DSG1: variants seen among roughly 807,000 people sequenced by gnomAD.
The protein encoded by DSG1 is desmoglein 1.
In DSG1, 39 loss-of-function variants were observed where a neutral mutation model predicts 97.5. The ratio of observed to expected loss-of-function variants is 0.40; its 90% CI spans 0.31 to 0.52. The LOEUF is 0.52. DSG1 is among the 20% of genes least tolerant of loss of function. The pLI, the probability that DSG1 is intolerant of heterozygous loss-of-function variation, is 0.53. For synonymous variants in DSG1, 475 were observed against 443.4 expected, an observed-to-expected ratio of 1.07 and a Z score of -0.90; for missense variants, 1,311 against 1,295.4, an observed-to-expected ratio of 1.01 and a Z score of -0.18.
Position 31,346,119 on chromosome 18 carries a change from G to T in DSG1, c.2021G>T (p.Gly674Val), listed in dbSNP as rs2071832315. Residue 674 changes from glycine to valine, a missense_variant, in exon 14 of 15, where the codon GGA becomes GTA. By Grantham distance (109) the Gly-to-Val change is moderately radical (BLOSUM62 -3). Around this residue, in one of 3 missense-constraint regions of DSG1, gnomAD observed 1,038 missense variants for 964.6 expected, o/e 1.08. Transcript: ENST00000257192. ...CCTGAGATATGTCAAGAATACTCTG[G>T]AACATTAAGAAGAAATTCTATGAGG... ...GMPEICQEYSGTLRRNSMREC... is the reference protein window; with the variant it reads ...GMPEICQEYSVTLRRNSMREC... The T allele has an allele frequency of 1.2e-6, 2 of 1,613,790 alleles. No homozygotes were observed. Among genetic ancestry groups the T allele is most frequent in the Non-Finnish European group, 1.7e-6 (2 of 1,179,760 alleles).
chr18:31,319,200 A>G (rs2071638869), intron 1 of DSG1, among the ~76,000 whole-genome samples: 2 of 152,196 alleles, frequency 1.3e-5, no homozygotes, highest in African/African-American at 4.8e-5. Flanking sequence ...ACTTTCAGTG[A>G]AAATTTGAAA....
Position 31,355,650 on chromosome 18 carries a change from A to G in DSG1, c.*304A>G, listed in dbSNP as rs1018011339. On this transcript the variant is annotated 3_prime_UTR_variant, in exon 15 of 15. Transcript: ENST00000257192. The stretch of plus-strand genomic sequence containing the variant: ...AACTGGCCTTACGATGGCAATTGGC[A>G]TCATTCTCCTTGCTCTGTTTTGCTT... The G allele has an allele frequency of 6.8e-5, 27 of 396,188 alleles. No homozygotes were observed. Among genetic ancestry groups the G allele is most frequent in the East Asian group, 5.2e-4 (11 of 21,184 alleles). The allele number at this position is 396,188 out of a possible 1,614,324, so 24.5% of individuals were successfully genotyped here. A position where few individuals can be genotyped will look rare whatever the true frequency, so the allele number is the denominator to read the frequency against.
chr18:31,340,104 T>C (rs2071779803), intron 11 of DSG1, 79 bp downstream of exon 11: 6 of 1,401,534 alleles, frequency 4.3e-6, no homozygotes, highest in East Asian at 4.6e-5. Context: ...GATTCTTTGA[T>C]AAAACGTATT....
At chr18:31,322,734 G>A (rs1598695965) in intron 1 of DSG1, among the ~76,000 whole-genome samples, 1 of 152,110 alleles carries the variant, frequency 6.6e-6, no homozygotes, top group African/African-American at 2.4e-5. Flanking sequence ...TAACAAAAAC[G>A]TAACAATTAT....
At chr18:31,322,909 T>C (rs1462599101) in intron 1 of DSG1, among the ~76,000 whole-genome samples, 1 of 152,182 alleles carries the variant, frequency 6.6e-6, no homozygotes, top group East Asian at 1.9e-4. Context: ...TAAAAATTAC[T>C]GTAATTGGGG....
chr18:31,329,843 T>A, intron 4 of DSG1, 49 bp from the exon 5 acceptor site: 1 of 1,601,876 alleles, frequency 6.2e-7, no homozygotes, highest in Non-Finnish European at 8.5e-7. Context: ...AAGTAAGAAC[T>A]TAATAAATCT....
At chr18:31,353,977 G>C in intron 14 of DSG1, 1 of 322,838 alleles carries the variant, frequency 3.1e-6, no homozygotes, top group Non-Finnish European at 5.9e-6. Context: ...GTTCCTATTC[G>C]GCCATCTTGG....
chr18:31,331,667 C>T (rs757393314), intron 5 of DSG1, 34 bp from the exon 6 acceptor site: 102 of 1,599,698 alleles, frequency 6.4e-5, no homozygotes, highest in Middle Eastern at 5.0e-4. Context: ...AAATGTAAAT[C>T]ACCCATTTGC....
In DSG1 at chr18:31,326,866, C is replaced by A; in HGVS notation, c.85-8C>A. ...ATATATACCATTTCTTTATTGCTGT[C>A]ATTTAAGGTAAGAGATTATAACACT... On this transcript the variant is annotated splice_region_variant and splice_polypyrimidine_tract_variant and intron_variant, in intron 2 of 14. Coordinates refer to ENST00000257192, the MANE Select transcript of DSG1 (RefSeq NM_001942.4). The A allele has an allele frequency of 1.2e-6, 2 of 1,613,038 alleles. No homozygotes were observed. The highest frequency in any genetic ancestry group is 1.1e-5 in the South Asian group (1 of 91,020).
intron 6 of DSG1, among the ~76,000 whole-genome samples, chr18:31,333,229 C>T (rs533782683): frequency 6.6e-6 from 1 of 152,230 alleles, no homozygotes; most frequent in Non-Finnish European, 1.5e-5. Flanking sequence ...TTCTTGCACA[C>T]TCGGGGGCTG....
chr18:31,337,363 T>A (rs1382378412), intron 9 of DSG1, among the ~76,000 whole-genome samples: 1 of 152,068 alleles, frequency 6.6e-6, no homozygotes, highest in Non-Finnish European at 1.5e-5. Flanking sequence ...TTCACGCGAT[T>A]CTCCTCCCTC....
chr18:31,341,986 T>G (rs1277310351), intron 11 of DSG1, among the ~76,000 whole-genome samples: 1 of 151,864 alleles, frequency 6.6e-6, no homozygotes. Flanking sequence ...CAGGCTGGAG[T>G]ACAGTGGTGC....
rs1299001495 is a variant in DSG1, at chr18:31,336,579, G to A, written c.1231G>A (p.Asp411Asn). The change falls in exon 9 of 15, where the codon GAC (aspartate) becomes AAC (asparagine). Residue 411 changes from aspartate (D) to asparagine (N), a missense_variant. Asp to Asn is a conservative substitution (Grantham distance 23). This residue lies in a region of DSG1 where 1,038 missense variants were observed against 964.6 expected (regional missense o/e 1.08). Transcript: ENST00000257192. ...NDKVGDFVAT[D>N]LDTGRPSTTV... ...TAAAGTGGGAGACTTTGTAGCTACT[G>A]ACCTGGACACAGGTAGACCTTCAAC... 1.2e-6 allele frequency: 2 copies of A among 1,614,016 alleles called. No individual in the cohort carries two copies. The highest frequency in any genetic ancestry group is 1.7e-5 in the Admixed American group (1 of 60,024).
intron 1 of DSG1, among the ~76,000 whole-genome samples, chr18:31,321,160 C>G: frequency 6.6e-6 from 1 of 151,856 alleles, no homozygotes; most frequent in Non-Finnish European, 1.5e-5. Context: ...ACAGTTTGAA[C>G]CGAACTGAAA....
At chr18:31,354,167 T>C in intron 14 of DSG1, 130 bp from the exon 15 acceptor site, 1 of 732,050 alleles carries the variant, frequency 1.4e-6, no homozygotes. Flanking sequence ...GCATCTCTAG[T>C]ATGTTAAAAT....
At chr18:31,351,183 G>A (rs1263580452) in intron 14 of DSG1, among the ~76,000 whole-genome samples, 1 of 147,008 alleles carries the variant, frequency 6.8e-6, no homozygotes, top group East Asian at 2.0e-4. Flanking sequence ...TGTTCTCGTT[G>A]GTTTCAAAGA....
At chr18:31,324,264 G>A (rs1167049629) in intron 1 of DSG1, among the ~76,000 whole-genome samples, 1 of 149,178 alleles carries the variant, frequency 6.7e-6, no homozygotes, top group Non-Finnish European at 1.5e-5. Context: ...TTACAGGCGT[G>A]AGCCACAGCG....
At chr18:31,328,368 A>G (rs1450310786) in intron 4 of DSG1, 24 bp downstream of exon 4, 2 of 1,602,924 alleles carry the variant, frequency 1.2e-6, no homozygotes, top group Non-Finnish European at 8.5e-7. Context: ...ATGTCAATAT[A>G]TATGTTCATG....
At chr18:31,329,538 A>T (rs1568040764) in intron 4 of DSG1, among the ~76,000 whole-genome samples, 1 of 150,136 alleles carries the variant, frequency 6.7e-6, no homozygotes, top group African/African-American at 2.4e-5. Context: ...TTACGTCTTT[A>T]TTTTTTTTTA....
Sources: gnomAD v4.1 joint callset for allele counts (sites outside exome capture counted in the v4.1 genomes callset) on GRCh38, gnomAD v4.1.1 for gene constraint, gnomAD v4.1.1 regional missense constraint, MANE v1.5 for transcripts, NCBI Gene and HGNC (gene_info 2026-07-23, HGNC 2026-07-21) for gene names.